KCNMA1: variants seen among roughly 807,000 people sequenced by gnomAD.
KCNMA1 encodes potassium calcium-activated channel subfamily M alpha 1, also known as Calcium-activated potassium channel subunit alpha-1.
In KCNMA1, 29 loss-of-function variants were observed where a neutral mutation model predicts 140.0. The observed-to-expected ratio is 0.21, with a 90% CI of 0.15 to 0.28. KCNMA1 has a LOEUF of 0.28. KCNMA1 is among the 10% of genes least tolerant of loss of function. The probability of loss-of-function intolerance (pLI) is 1.00; values close to 1 mark genes in which losing one functional copy is unlikely to be tolerated. For missense variants in KCNMA1, 880 were observed against 1,602.2 expected (o/e 0.55, Z 7.70); for synonymous variants, 612 against 611.9 (o/e 1.00, Z 0.00).
chr10:76,899,224 T>G (rs995224518), intron 25 of KCNMA1, among the ~76,000 whole-genome samples: 6 of 152,268 alleles, frequency 3.9e-5, no homozygotes, highest in Non-Finnish European at 7.4e-5. Context: ...GTAAAATTGT[T>G]GTTTGACATA....
intron 23 of KCNMA1, among the ~76,000 whole-genome samples, chr10:76,932,460 A>G (rs939262840): frequency 2.0e-5 from 3 of 152,126 alleles, no homozygotes; most frequent in Non-Finnish European, 4.4e-5. Context: ...CTGGGCTTCA[A>G]ACCCAAGCTG....
chr10:77,521,630 A>G (rs2053435360), intron 1 of KCNMA1, among the ~76,000 whole-genome samples: 1 of 152,226 alleles, frequency 6.6e-6, no homozygotes, highest in Non-Finnish European at 1.5e-5. Flanking sequence ...ATAAATAAAT[A>G]TCTAAGGCAC....
intron 2 of KCNMA1, among the ~76,000 whole-genome samples, chr10:77,313,574 T>C (rs1381865331): frequency 6.6e-6 from 1 of 152,178 alleles, no homozygotes; most frequent in Non-Finnish European, 1.5e-5. Context: ...CATGGGACCT[T>C]CCTTCCAAGG....
intron 3 of KCNMA1, among the ~76,000 whole-genome samples, chr10:77,222,269 G>A (rs1424935439): frequency 6.6e-6 from 1 of 152,160 alleles, no homozygotes; most frequent in Non-Finnish European, 1.5e-5. Flanking sequence ...CAGATTGGAA[G>A]AGCACTCTTT....
In KCNMA1 at chr10:77,032,734, CT is replaced by C. The variant is rs769623391; in HGVS notation, c.1860-4844del. 2.8e-3 allele frequency among the ~76,000 whole-genome samples: 424 copies of C among 149,920 alleles called. 4 individuals carry two copies. The highest frequency in any genetic ancestry group is 8.7e-3 in the African/African-American group (355 of 40,956). Reference sequence around the variant, plus strand: ...CGACATTATACAAAGCCCAACCCCCCTTTTTTTTTTTTACTGCCAACATCAT... The same window carrying C: ...CGACATTATACAAAGCCCAACCCCCCTTTTTTTTTTTACTGCCAACATCAT... On this transcript the variant is annotated intron_variant, in intron 15 of 27. Transcript: ENST00000286628.
At chr10:77,188,234 G>A (rs2098897027) in intron 3 of KCNMA1, among the ~76,000 whole-genome samples, 1 of 151,856 alleles carries the variant, frequency 6.6e-6, no homozygotes, top group Non-Finnish European at 1.5e-5. Context: ...AGTCTGATGA[G>A]GCATATCCAC....
chr10:77,514,166 C>G (rs2049436173), intron 1 of KCNMA1, among the ~76,000 whole-genome samples: 1 of 152,240 alleles, frequency 6.6e-6, no homozygotes, highest in Non-Finnish European at 1.5e-5. Context: ...ATGCGTCAGA[C>G]CTTACTCAGG....
intron 5 of KCNMA1, among the ~76,000 whole-genome samples, chr10:77,128,712 T>C (rs980559022): frequency 6.6e-6 from 1 of 152,154 alleles, no homozygotes; most frequent in Admixed American, 6.5e-5. Context: ...CTGTAAATAA[T>C]AGGAAAACAA....
At chr10:77,405,316 T>G (rs2096435915) in intron 1 of KCNMA1, among the ~76,000 whole-genome samples, 1 of 152,236 alleles carries the variant, frequency 6.6e-6, no homozygotes. Context: ...GCTAATATAC[T>G]TAATAATTCA....
At chr10:77,211,184 A>T (rs2154173770) in intron 3 of KCNMA1, among the ~76,000 whole-genome samples, 1 of 152,282 alleles carries the variant, frequency 6.6e-6, no homozygotes, top group Non-Finnish European at 1.5e-5. Flanking sequence ...TGGAGGCATC[A>T]AACTACCTGA....
At chr10:76,879,061 CATT>C (rs1174617565) in intron 29 of KCNMA1, among the ~76,000 whole-genome samples, 1 of 152,040 alleles carries the variant, frequency 6.6e-6, no homozygotes, top group Non-Finnish European at 1.5e-5. Context: ...TGAATGGACA[CATT>C]AGTGAAAACT....
At chr10:77,577,712 T>A (rs1473965) in intron 1 of KCNMA1, among the ~76,000 whole-genome samples, 84,237 of 152,034 alleles carry the variant, frequency 0.55, 23,514 homozygotes, top group East Asian at 0.71. Context: ...ACAAAGAGCT[T>A]GGGTAACTAG....
At chr10:77,343,027 G>C (rs1383761215) in intron 2 of KCNMA1, among the ~76,000 whole-genome samples, 1 of 152,124 alleles carries the variant, frequency 6.6e-6, no homozygotes, top group African/African-American at 2.4e-5. Context: ...CTTTCCTCAG[G>C]GATCTCTCCT....
At chr10:77,153,069 T>C (rs1302886361) in intron 5 of KCNMA1, among the ~76,000 whole-genome samples, 1 of 152,168 alleles carries the variant, frequency 6.6e-6, no homozygotes, top group African/African-American at 2.4e-5. Flanking sequence ...TTCCTAGCCT[T>C]GGAAACTGAC....
At position 77,569,389 on chromosome 10, in the gene KCNMA1, T is replaced by G. The variant is rs1039136064; in HGVS notation, c.378+67876A>C. Among the ~76,000 whole-genome samples the G allele has an allele frequency of 4.9e-4, 64 of 129,926 alleles. 2 individuals are homozygous for G. The highest frequency in any genetic ancestry group is 4.8e-4 in the Admixed American group (6 of 12,376). 85.2% of individuals were successfully genotyped at this position (129,926 alleles called of 152,430 possible). A position where few individuals can be genotyped will look rare whatever the true frequency, so the allele number is the denominator to read the frequency against. ...CATGGTACTGTTACCAAAACAGAGATATAGATCAATGGAACAGAACAGAGC... is the reference window on the plus strand; with the variant it reads ...CATGGTACTGTTACCAAAACAGAGAGATAGATCAATGGAACAGAACAGAGC... On this transcript the variant is annotated intron_variant, in intron 1 of 27. Transcript: ENST00000286628.
At chr10:77,507,316 C>T (rs1265778748) in intron 1 of KCNMA1, among the ~76,000 whole-genome samples, 3 of 152,052 alleles carry the variant, frequency 2.0e-5, no homozygotes, top group Non-Finnish European at 4.4e-5. Flanking sequence ...TGTTGTATTG[C>T]GTACAATGGA....
downstream of KCNMA1, chr10:76,874,436 T>C (rs376284915): frequency 5.9e-5 from 9 of 152,222 alleles, no homozygotes; most frequent in East Asian, 5.8e-4. Context: ...GTCATCTAGA[T>C]GAATCACTCT....
At chr10:77,110,097 A>G in intron 8 of KCNMA1, 76 bp downstream of exon 8, 1 of 1,308,240 alleles carries the variant, frequency 7.6e-7, no homozygotes, top group Non-Finnish European at 1.1e-6. Context: ...TCTAAAATAC[A>G]AAGCTTTAAG....
chr10:77,427,208 A>T (rs75033091), intron 1 of KCNMA1, among the ~76,000 whole-genome samples: 1 of 152,322 alleles, frequency 6.6e-6, no homozygotes, highest in African/African-American at 2.4e-5. Flanking sequence ...CAGAGCCCTG[A>T]GCCTGGCTGG....
Sources: allele counts gnomAD v4.1 joint callset (sites outside exome capture counted in the v4.1 genomes callset), GRCh38; gene constraint gnomAD v4.1.1; transcripts MANE v1.5; gene names NCBI Gene and HGNC (gene_info 2026-07-23, HGNC 2026-07-21).